Variants in FER observed in about 807,000 individuals in gnomAD.
FER encodes the protein FER tyrosine kinase, also known as tyrosine-protein kinase Fer.
FER carries 63 observed loss-of-function variants against 111.0 expected under a neutral mutation model. That is an observed-to-expected ratio of 0.57 (90% CI 0.46 to 0.70). FER has a LOEUF of 0.70. Ranked by LOEUF, FER falls within the 30% of genes least tolerant of loss-of-function variation. The probability of loss-of-function intolerance (pLI) is 0.00; values close to 1 mark genes in which losing one functional copy is unlikely to be tolerated. For missense variants in FER, 914 were observed against 954.0 expected (o/e 0.96, Z 0.55); for synonymous variants, 327 against 313.9 (o/e 1.04, Z -0.44).
chr5:109,067,261 T>C (rs200705822), intron 16 of FER, among the ~76,000 whole-genome samples: 36 of 150,528 alleles, frequency 2.4e-4, no homozygotes, highest in Non-Finnish European at 4.1e-4. Context: ...GTTGTTGTTG[T>C]TGCTGTTGCT....
intron 2 of FER, among the ~76,000 whole-genome samples, chr5:108,796,169 A>G (rs1204262173): frequency 6.6e-6 from 1 of 152,100 alleles, no homozygotes; most frequent in Non-Finnish European, 1.5e-5. Context: ...ATCTGGGAGG[A>G]TTCTCTACAT....
At chr5:109,091,593 C>T (rs1418375873) in intron 16 of FER, among the ~76,000 whole-genome samples, 1 of 152,154 alleles carries the variant, frequency 6.6e-6, no homozygotes, top group Admixed American at 6.5e-5. Context: ...CCTGTAGAGC[C>T]ACCAACATGG....
intron 8 of FER, 54 bp downstream of exon 8, chr5:108,872,266 T>A: frequency 6.8e-7 from 1 of 1,477,652 alleles, no homozygotes; most frequent in Non-Finnish European, 9.2e-7. Context: ...TATTGCTTTA[T>A]TGTTGTACTC....
intron 14 of FER, among the ~76,000 whole-genome samples, chr5:109,040,914 C>T (rs1033869070): frequency 4.0e-5 from 6 of 151,826 alleles, no homozygotes; most frequent in Non-Finnish European, 5.9e-5. Flanking sequence ...TTTATAACAG[C>T]GAGGAAAATT....
At chr5:108,830,541 A>T (rs7709267) in intron 3 of FER, 64,025 of 152,020 alleles carry the variant, frequency 0.42, 15,051 homozygotes, top group African/African-American at 0.63. Context: ...ATTAATTTTT[A>T]AATTATTATT....
At chr5:108,894,364 G>T (rs1049625302) in intron 9 of FER, 4 of 988,522 alleles carry the variant, frequency 4.0e-6, no homozygotes, top group Non-Finnish European at 5.3e-6. Context: ...TGCTGCAAGG[G>T]TTCCTTCCTT....
rs1758009694 is a variant in FER at position 109,179,060 on chromosome 5, C to T, written c.2049-1687C>T. On this transcript the variant is annotated intron_variant, in intron 17 of 19. Coordinates refer to ENST00000281092, the MANE Select transcript of FER (RefSeq NM_005246.4). ...TTATTTTCCAGTTGTTTGCTGCTTACAAGAATACTTTGTGTATTTTTGCAG... is the reference window on the plus strand; with the variant it reads ...TTATTTTCCAGTTGTTTGCTGCTTATAAGAATACTTTGTGTATTTTTGCAG... Among the ~76,000 whole-genome samples the T allele has an allele frequency of 2.0e-5, 3 of 152,112 alleles. No homozygotes were observed. In the South Asian group the frequency reaches 6.2e-4, roughly 32 times the overall value.
intron 17 of FER, among the ~76,000 whole-genome samples, chr5:109,108,779 G>A (rs564634597): frequency 9.9e-5 from 15 of 152,262 alleles, no homozygotes; most frequent in South Asian, 8.3e-4. Flanking sequence ...CATAGATGAC[G>A]CAGAAACAAG....
chr5:108,775,166 T>G (rs1753355050), intron 2 of FER, among the ~76,000 whole-genome samples: 1 of 152,200 alleles, frequency 6.6e-6, no homozygotes, highest in Non-Finnish European at 1.5e-5. Context: ...CCCCATTGCT[T>G]GTTTTTGTCA....
At chr5:109,013,744 T>C (rs1766642291) in intron 13 of FER, among the ~76,000 whole-genome samples, 1 of 151,690 alleles carries the variant, frequency 6.6e-6, no homozygotes, top group East Asian at 1.9e-4. Context: ...CCAGCACCTG[T>C]TGTTTCCTGA....
At chr5:108,811,679 T>C (rs1168113460) in intron 3 of FER, among the ~76,000 whole-genome samples, 1 of 152,204 alleles carries the variant, frequency 6.6e-6, no homozygotes, top group East Asian at 1.9e-4. Flanking sequence ...CACGATATGC[T>C]GTCTGCAAGC....
At chr5:108,991,965 G>C (rs1002495541) in intron 13 of FER, among the ~76,000 whole-genome samples, 1 of 151,886 alleles carries the variant, frequency 6.6e-6, no homozygotes, top group Non-Finnish European at 1.5e-5. Flanking sequence ...TGGAGGGAAG[G>C]TCAACAGATA....
intron 13 of FER, among the ~76,000 whole-genome samples, chr5:108,965,475 G>GA (rs954953505): frequency 4.6e-5 from 7 of 151,244 alleles, no homozygotes; most frequent in African/African-American, 1.5e-4. Flanking sequence ...GTGAAAGAAG[G>GA]AAAAAAAACA....
intron 16 of FER, among the ~76,000 whole-genome samples, chr5:109,077,554 T>C (rs2150010586): frequency 6.6e-6 from 1 of 152,302 alleles, no homozygotes; most frequent in South Asian, 2.1e-4. Context: ...TTTTAAAGCA[T>C]AGTATCAATT....
chr5:109,001,675 G>A (rs552169677), intron 13 of FER, among the ~76,000 whole-genome samples: 29 of 152,290 alleles, frequency 1.9e-4, no homozygotes, highest in Non-Finnish European at 3.8e-4. Context: ...ATTCAATTAG[G>A]AAAAGAGGAA....
intron 16 of FER, among the ~76,000 whole-genome samples, chr5:109,057,819 A>G (rs1432439242): frequency 1.3e-5 from 2 of 152,332 alleles, no homozygotes; most frequent in South Asian, 2.1e-4. Context: ...AATGTTACCA[A>G]TTCTATACAA....
intron 1 of FER, among the ~76,000 whole-genome samples, chr5:108,766,866 G>T (rs1364735482): frequency 6.6e-6 from 1 of 152,188 alleles, no homozygotes; most frequent in Admixed American, 6.5e-5. Flanking sequence ...GTGAGACGTT[G>T]TAACAGGGCT....
At chr5:109,072,077 C>G (rs907312823) in intron 16 of FER, among the ~76,000 whole-genome samples, 2 of 150,544 alleles carry the variant, frequency 1.3e-5, no homozygotes, top group Non-Finnish European at 3.0e-5. Context: ...ATAAATAAGA[C>G]CAAGATTGTA....
In FER at chr5:109,056,388, C is replaced by T. The variant is rs146285317; in HGVS notation, c.1924+9190C>T. 4.2e-4 allele frequency among the ~76,000 whole-genome samples: 64 copies of T among 151,990 alleles called. No individual in the cohort carries two copies. The South Asian group carries it at 0.012, about 29-fold the overall frequency. The stretch of plus-strand genomic sequence containing the variant: ...TATGTTCAGTAGAATATTCTTCAGC[C>T]GTAAAAAGGAGCAAGATCTGACCAT... On this transcript the variant is annotated intron_variant, in intron 16 of 19. Coordinates refer to ENST00000281092, the MANE Select transcript of FER (RefSeq NM_005246.4).
Sources: gnomAD v4.1 joint callset for allele counts (sites outside exome capture counted in the v4.1 genomes callset) on GRCh38, gnomAD v4.1.1 for gene constraint, MANE v1.5 for transcripts, NCBI Gene and HGNC (gene_info 2026-07-23, HGNC 2026-07-21) for gene names.